The following PTDSS1 variants were observed in gnomAD, a reference collection of about 807,000 sequenced individuals.
The protein encoded by PTDSS1 is PSS-1.
PTDSS1 carries 45 observed loss-of-function variants against 70.5 expected under a neutral mutation model. The observed-to-expected ratio is 0.64, with a 90% CI of 0.50 to 0.82. PTDSS1 has a LOEUF of 0.82. PTDSS1 is among the 40% of genes least tolerant of loss of function. PTDSS1 has a pLI of 0.00. For missense variants in PTDSS1, 417 were observed against 586.1 expected (o/e 0.71, Z 2.98); for synonymous variants, 188 against 203.8 (o/e 0.92, Z 0.66).
intron 9 of PTDSS1, 46 bp from the exon 10 acceptor site, chr8:96,320,200 C>T (rs752386264): frequency 2.4e-5 from 36 of 1,479,420 alleles, no homozygotes; most frequent in Non-Finnish European, 2.3e-5. Context: ...AGTGTATGCT[C>T]TGGTAAGATG....
intron 9 of PTDSS1, among the ~76,000 whole-genome samples, chr8:96,318,672 A>G (rs1327880965): frequency 6.6e-6 from 1 of 152,184 alleles, no homozygotes; most frequent in Non-Finnish European, 1.5e-5. Context: ...ATTCAAGCCA[A>G]CCACTCTTAA....
intron 9 of PTDSS1, among the ~76,000 whole-genome samples, chr8:96,311,018 T>G (rs1811204597): frequency 1.3e-5 from 2 of 151,828 alleles, no homozygotes; most frequent in African/African-American, 2.4e-5. Context: ...ACCCACCTTC[T>G]GCCTCCCAAA....
rs147866903 is a variant in PTDSS1 at position 96,331,402 on chromosome 8, G to A, written c.1312+307G>A. Among the ~76,000 whole-genome samples the A allele has an allele frequency of 1.1e-3, 165 of 152,006 alleles. 1 individual carries two copies. The highest frequency in any genetic ancestry group is 3.7e-3 in the African/African-American group (155 of 41,482). ...AAATTAGCCAGGTGTGGTGGCGGGC[G>A]CCTGTAGTCCCAGCTACTCAGGACG... On this transcript the variant is annotated intron_variant, in intron 12 of 12. Coordinates refer to ENST00000517309, the MANE Select transcript of PTDSS1 (RefSeq NM_014754.3).
At chr8:96,284,026 C>G (rs1235563027) in intron 2 of PTDSS1, 83 bp from the exon 3 acceptor site, 8 of 1,090,050 alleles carry the variant, frequency 7.3e-6, no homozygotes, top group African/African-American at 3.2e-5. Flanking sequence ...TTCTTGTTAT[C>G]TGTATGGAGA....
chr8:96,320,166 T>A, intron 9 of PTDSS1, 80 bp from the exon 10 acceptor site: 1 of 1,239,578 alleles, frequency 8.1e-7, no homozygotes, highest in Non-Finnish European at 1.2e-6. Flanking sequence ...AACTTTTTCA[T>A]TCAATCATGC....
At chr8:96,327,455 G>C (rs1811453788) in intron 10 of PTDSS1, among the ~76,000 whole-genome samples, 1 of 152,136 alleles carries the variant, frequency 6.6e-6, no homozygotes, top group South Asian at 2.1e-4. Flanking sequence ...ACAGAAACAA[G>C]GTCCTGGCAC....
At chr8:96,270,618 A>C (rs1486814486) in intron 1 of PTDSS1, among the ~76,000 whole-genome samples, 2 of 152,242 alleles carry the variant, frequency 1.3e-5, no homozygotes, top group African/African-American at 4.8e-5. Flanking sequence ...GATAGGACTC[A>C]CATGGCTTCG....
intron 10 of PTDSS1, among the ~76,000 whole-genome samples, chr8:96,323,786 T>C (rs1273779266): frequency 3.3e-5 from 5 of 152,246 alleles, no homozygotes; most frequent in Non-Finnish European, 5.9e-5. Flanking sequence ...TCCATGGTAA[T>C]CTCTTTAACA....
Position 96,333,673 on chromosome 8 carries a change from A to G in PTDSS1, c.*107A>G. The G allele has an allele frequency of 9.4e-7, 1 of 1,061,570 alleles. No individual in the cohort carries two copies. The highest frequency in any genetic ancestry group is 1.6e-5 in the African/African-American group (1 of 64,030). 65.8% of individuals were successfully genotyped at this position (1,061,570 alleles called of 1,614,324 possible). ...GGTCGAGGCGCACAGGGCAAGCAGGAAGAGGCGAGGGCACTTGGGGGTCAT... is the reference window on the plus strand; with the variant it reads ...GGTCGAGGCGCACAGGGCAAGCAGGGAGAGGCGAGGGCACTTGGGGGTCAT... On this transcript the variant is annotated 3_prime_UTR_variant, in exon 13 of 13. Transcript: ENST00000517309.
chr8:96,322,033 C>T (rs570551116), intron 10 of PTDSS1, among the ~76,000 whole-genome samples: 2 of 152,198 alleles, frequency 1.3e-5, no homozygotes, highest in African/African-American at 4.8e-5. Flanking sequence ...CTGCAGGGGG[C>T]AGAGGTGGGT....
At chr8:96,264,047 T>C (rs1050005945) in intron 1 of PTDSS1, among the ~76,000 whole-genome samples, 2 of 152,230 alleles carry the variant, frequency 1.3e-5, no homozygotes, top group African/African-American at 4.8e-5. Flanking sequence ...TAAAATCTGC[T>C]AAAGCTGTGC....
intron 8 of PTDSS1, among the ~76,000 whole-genome samples, chr8:96,306,912 A>C (rs1189284539): frequency 6.6e-6 from 1 of 152,226 alleles, no homozygotes; most frequent in African/African-American, 2.4e-5. Context: ...GAAAAATGCA[A>C]ATGTTTTTAT....
intron 9 of PTDSS1, among the ~76,000 whole-genome samples, chr8:96,318,323 A>AG (rs1811324969): frequency 2.3e-5 from 1 of 43,052 alleles, no homozygotes; most frequent in Non-Finnish European, 5.6e-5. Flanking sequence ...GACTCTATTT[A>AG]AAAAAAAAAA....
At chr8:96,292,289 C>CAAAA (rs34282078) in intron 4 of PTDSS1, among the ~76,000 whole-genome samples, 63 of 87,694 alleles carry the variant, frequency 7.2e-4, no homozygotes, top group Middle Eastern at 6.8e-3. Flanking sequence ...AACGCTGTCT[C>CAAAA]AAAAAAAAAA....
chr8:96,318,201 T>C (rs1451002324), intron 9 of PTDSS1, among the ~76,000 whole-genome samples: 4 of 152,130 alleles, frequency 2.6e-5, no homozygotes, highest in Non-Finnish European at 4.4e-5. Context: ...GGCAGGCGCC[T>C]GTAGTCCCAG....
chr8:96,296,734 G>A (rs961381181), intron 5 of PTDSS1, among the ~76,000 whole-genome samples: 10 of 152,156 alleles, frequency 6.6e-5, no homozygotes, highest in Non-Finnish European at 1.3e-4. Flanking sequence ...TGTACAGGTG[G>A]GGGATCTGGA....
rs537221622 is a variant in PTDSS1, at chr8:96,299,310, A to G, written c.601-384A>G. On this transcript the variant is annotated intron_variant, in intron 5 of 12. Transcript: ENST00000517309. ...CACAACTTGAATTCTCAAGCTGCTA[A>G]TTTTGAGAATTATGACAATGCTTTG... 5.9e-5 allele frequency among the ~76,000 whole-genome samples: 9 copies of G among 152,244 alleles called. No individual in the cohort carries two copies. The East Asian group carries it at 1.7e-3, about 29-fold the overall frequency.
chr8:96,307,889 C>T (rs115187488), intron 8 of PTDSS1, among the ~76,000 whole-genome samples: 1,691 of 152,268 alleles, frequency 0.011, 39 homozygotes, highest in African/African-American at 0.039. Context: ...AAAAATCCAA[C>T]GTTTTGAACT....
chr8:96,280,486 A>C (rs1391520761), intron 2 of PTDSS1, among the ~76,000 whole-genome samples: 3 of 152,094 alleles, frequency 2.0e-5, no homozygotes, highest in Non-Finnish European at 4.4e-5. Context: ...TGAAGCCTGC[A>C]GTGAGCTGAG....
Sources: gnomAD v4.1 joint callset for allele counts (sites outside exome capture counted in the v4.1 genomes callset) on GRCh38, gnomAD v4.1.1 for gene constraint, MANE v1.5 for transcripts, NCBI Gene and HGNC (gene_info 2026-07-23, HGNC 2026-07-21) for gene names.